Variants in CFAP20DC observed in about 807,000 individuals in gnomAD.
The protein encoded by CFAP20DC is CFAP20 domain containing, also known as protein CFAP20DC.
Under a neutral mutation model 101.7 loss-of-function variants are expected in CFAP20DC, and 84 were observed. The observed-to-expected ratio is 0.83, with a 90% CI of 0.69 to 0.99. The LOEUF (loss-of-function observed/expected upper bound fraction) is 0.99. Among genes scored for constraint, CFAP20DC ranks in the 50% least tolerant of loss-of-function variants. CFAP20DC has a pLI of 0.00. For synonymous variants in CFAP20DC, 359 were observed against 351.2 expected (o/e 1.02, Z -0.25); for missense variants, 1,007 against 970.3 (o/e 1.04, Z -0.50).
Position 59,029,320 on chromosome 3 carries a change from A to G in CFAP20DC, c.278+10237T>C, listed in dbSNP as rs532458645. 6.4e-4 allele frequency among the ~76,000 whole-genome samples: 97 copies of G among 152,332 alleles called. 2 individuals are homozygous for G. The South Asian group carries it at 0.019, about 31-fold the overall frequency. On this transcript the variant is annotated intron_variant, in intron 4 of 16. Transcript: ENST00000482387. Reference sequence around the variant, plus strand: ...AATTAAATAAACATATAATAATTATAAACTGTTACAGTTGTAATGAAGGAA... The same window carrying G: ...AATTAAATAAACATATAATAATTATGAACTGTTACAGTTGTAATGAAGGAA...
At chr3:58,763,861 T>C (rs540683934) in intron 15 of CFAP20DC, among the ~76,000 whole-genome samples, 49 of 152,282 alleles carry the variant, frequency 3.2e-4, no homozygotes, top group African/African-American at 1.0e-3. Flanking sequence ...TGGATATTGG[T>C]GAACAGCAAA....
At chr3:58,925,975 G>C (rs1401383623) in intron 5 of CFAP20DC, among the ~76,000 whole-genome samples, 1 of 152,142 alleles carries the variant, frequency 6.6e-6, no homozygotes, top group Non-Finnish European at 1.5e-5. Context: ...AACCATTCAG[G>C]ACCAGCATAA....
chr3:58,924,036 C>A, intron 5 of CFAP20DC, among the ~76,000 whole-genome samples: 1 of 152,094 alleles, frequency 6.6e-6, no homozygotes, highest in Admixed American at 6.6e-5. Flanking sequence ...TCCAGTGAAT[C>A]TTTTATTTCA....
At chr3:58,870,142 C>T (rs1310159477) in intron 8 of CFAP20DC, 31 bp downstream of exon 8, 1 of 1,432,030 alleles carries the variant, frequency 7.0e-7, no homozygotes, top group Admixed American at 1.8e-5. Flanking sequence ...GTCACTTGTG[C>T]TTAGATAAGC....
At position 58,742,326 on chromosome 3, in the gene CFAP20DC, A is replaced by G; in HGVS notation, c.*134T>C. ...TCTTAACGTTGAACATTATTTACAA[A>G]ATGAATTCGTTTCTCTCAGTTACTG... On this transcript the variant is annotated 3_prime_UTR_variant, in exon 17 of 17. Transcript: ENST00000482387. 7.9e-7 allele frequency: 1 copy of G among 1,272,792 alleles called. No homozygotes were observed. The highest frequency in any genetic ancestry group is 1.0e-6 in the Non-Finnish European group (1 of 1,002,834). The allele number at this position is 1,272,792 out of a possible 1,614,324, so 78.8% of individuals were successfully genotyped here. A position where few individuals can be genotyped will look rare whatever the true frequency, so the allele number is the denominator to read the frequency against.
At chr3:58,937,243 AC>A (rs2087824437) in intron 5 of CFAP20DC, among the ~76,000 whole-genome samples, 1 of 152,176 alleles carries the variant, frequency 6.6e-6, no homozygotes. Context: ...TCCAGCGTCC[AC>A]GCTTCTGTCC....
chr3:58,816,029 T>G (rs1190231776), intron 14 of CFAP20DC, among the ~76,000 whole-genome samples: 1 of 151,834 alleles, frequency 6.6e-6, no homozygotes, highest in Non-Finnish European at 1.5e-5. Context: ...CAAAGGACTA[T>G]AAATCATGCT....
intron 4 of CFAP20DC, among the ~76,000 whole-genome samples, chr3:58,952,074 AG>A (rs1559887202): frequency 6.6e-6 from 1 of 152,130 alleles, no homozygotes; most frequent in African/African-American, 2.4e-5. Context: ...GGGGTAGGGT[AG>A]GGATGGAATT....
rs112827949 is a variant in CFAP20DC at position 58,799,733 on chromosome 3, CTGTG to C, written c.2237+6658_2237+6661del. ...AGTGTGTGTGTGTCTGTGTGTGTGT[CTGTG>C]TGTGTGTGTGTGTGTGTGTGTGTGT... On this transcript the variant is annotated intron_variant, in intron 15 of 16. Transcript: ENST00000482387. The surrounding 1 kb of genome is among the most constrained non-coding windows in gnomAD (Gnocchi z 4.9). 0.077 allele frequency among the ~76,000 whole-genome samples: 11,063 copies of C among 142,880 alleles called. 538 individuals are homozygous for C. The highest frequency in any genetic ancestry group is 0.11 in the South Asian group (468 of 4,380). The allele number at this position is 142,880 out of a possible 152,430, so 93.7% of individuals were successfully genotyped here. A position where few individuals can be genotyped will look rare whatever the true frequency, so the allele number is the denominator to read the frequency against.
intron 4 of CFAP20DC, among the ~76,000 whole-genome samples, chr3:58,974,218 T>C (rs2092134313): frequency 6.6e-6 from 1 of 152,114 alleles, no homozygotes; most frequent in Non-Finnish European, 1.5e-5. Flanking sequence ...GTGAGCATAG[T>C]ACCTACCTAA....
At chr3:59,027,420 C>T (rs1272911038) in intron 4 of CFAP20DC, among the ~76,000 whole-genome samples, 1 of 152,154 alleles carries the variant, frequency 6.6e-6, no homozygotes. Context: ...ATCCTAACCT[C>T]TCCAAACAGC....
At position 59,049,926 on chromosome 3, in the gene CFAP20DC, G is replaced by T. The variant is rs1478194686; in HGVS notation, c.-295C>A. 4 of 395,768 alleles carry T rather than the reference G, an allele frequency of 1.0e-5. No individual in the cohort carries two copies. The highest frequency in any genetic ancestry group is 4.5e-6 in the Non-Finnish European group (1 of 222,016). 24.5% of individuals were successfully genotyped at this position (395,768 alleles called of 1,614,324 possible). A position where few individuals can be genotyped will look rare whatever the true frequency, so the allele number is the denominator to read the frequency against. ...CCGTCCCTGGGGAGTGATTGTGTGT[G>T]TAACCTACGTGACGGGGCGCCCAGT... On this transcript the variant is annotated 5_prime_UTR_variant, in exon 1 of 17. Transcript: ENST00000482387.
intron 14 of CFAP20DC, among the ~76,000 whole-genome samples, chr3:58,827,870 G>A (rs1360672425): frequency 1.3e-5 from 2 of 152,192 alleles, no homozygotes; most frequent in Non-Finnish European, 2.9e-5. Context: ...ACATATGTGT[G>A]GAATGAGTGA....
intron 13 of CFAP20DC, among the ~76,000 whole-genome samples, chr3:58,842,502 T>C (rs1019488667): frequency 2.3e-4 from 35 of 151,996 alleles, no homozygotes; most frequent in African/African-American, 8.0e-4. Context: ...CACACCTGGC[T>C]CGGAGGGTCC....
chr3:58,837,212 T>G (rs1187959887), intron 13 of CFAP20DC, among the ~76,000 whole-genome samples: 1 of 152,176 alleles, frequency 6.6e-6, no homozygotes, highest in African/African-American at 2.4e-5. Context: ...TGCCCAAGTT[T>G]TATTAAAAGT....
chr3:58,885,504 AT>A (rs931750744), intron 6 of CFAP20DC, among the ~76,000 whole-genome samples: 91 of 152,024 alleles, frequency 6.0e-4, no homozygotes, highest in African/African-American at 2.0e-3. Flanking sequence ...CTTCCTATCT[AT>A]TTGAAAGTAT....
rs1308930703 is a variant in CFAP20DC, at chr3:58,964,643, CTAA to C, written c.279-26884_279-26882del. Among the ~76,000 whole-genome samples, 1 of 152,194 alleles carries C rather than the reference CTAA, an allele frequency of 6.6e-6. No homozygotes were observed. Among genetic ancestry groups the C allele is most frequent in the African/African-American group, 2.4e-5 (1 of 41,452 alleles). On this transcript the variant is annotated intron_variant, in intron 4 of 16. Transcript: ENST00000482387. The surrounding 1 kb of genome is among the most constrained non-coding windows in gnomAD (Gnocchi z 4.1). Reference sequence around the variant, plus strand: ...TTTTTAAGTTAACACCTACCACTTACTAATAATAATTTGAACTACTTATTTACA... The same window carrying C: ...TTTTTAAGTTAACACCTACCACTTACTAATAATTTGAACTACTTATTTACA...
At chr3:58,723,476 A>G (rs1031119216) in intron 3 of CFAP20DC, among the ~76,000 whole-genome samples, 1 of 152,254 alleles carries the variant, frequency 6.6e-6, no homozygotes, top group African/African-American at 2.4e-5. Context: ...CTCTCTTTAC[A>G]AGAACATTTT....
chr3:58,819,894 T>A (rs1364039449), intron 14 of CFAP20DC, among the ~76,000 whole-genome samples: 5 of 147,118 alleles, frequency 3.4e-5, no homozygotes, highest in Non-Finnish European at 6.0e-5. Context: ...AAATCCTCAA[T>A]AAAATACTGG....
Sources: gnomAD v4.1 joint callset for allele counts (sites outside exome capture counted in the v4.1 genomes callset) on GRCh38, gnomAD v4.1.1 for gene constraint, Gnocchi (gnomAD v3.1) non-coding constraint, MANE v1.5 for transcripts, NCBI Gene and HGNC (gene_info 2026-07-23, HGNC 2026-07-21) for gene names.